Variants in CCDC34 observed in about 807,000 individuals in gnomAD.
CCDC34 encodes coiled-coil domain-containing protein 34.
In CCDC34, 40 loss-of-function variants were observed where a neutral mutation model predicts 44.1. The observed-to-expected ratio is 0.91, with a 90% CI of 0.70 to 1.18. The LOEUF (loss-of-function observed/expected upper bound fraction) is 1.18. Among genes scored for constraint, CCDC34 ranks in the 50% most tolerant of loss-of-function variants. The pLI, the probability that CCDC34 is intolerant of heterozygous loss-of-function variation, is 0.00. For missense variants in CCDC34, 466 were observed against 452.3 expected, an observed-to-expected ratio of 1.03 and a Z score of -0.28; for synonymous variants, 159 against 158.2, an observed-to-expected ratio of 1.01 and a Z score of -0.04.
At chr11:27,339,322 A>T (rs767819906) in intron 5 of CCDC34, among the ~76,000 whole-genome samples, 38 of 152,250 alleles carry the variant, frequency 2.5e-4, no homozygotes, top group Non-Finnish European at 3.8e-4. Context: ...ATTTTTACTA[A>T]GAAATTAATT....
intron 1 of CCDC34, among the ~76,000 whole-genome samples, chr11:27,360,286 G>T (rs779864755): frequency 9.9e-5 from 15 of 152,128 alleles, no homozygotes; most frequent in Non-Finnish European, 2.1e-4. Context: ...CCAGGAAAAC[G>T]CTTCTCATTA....
At chr11:27,362,165 G>A (rs750990731) in intron 1 of CCDC34, among the ~76,000 whole-genome samples, 1 of 152,148 alleles carries the variant, frequency 6.6e-6, no homozygotes, top group Non-Finnish European at 1.5e-5. Context: ...TCTTGTTTAC[G>A]GTCCCCAGTA....
Position 27,346,474 on chromosome 11 carries a change from A to AGAAGGAAGGAAGGAAGGAAG in CCDC34, c.606+3838_606+3857dup, listed in dbSNP as rs35249457. On this transcript the variant is annotated intron_variant, in intron 3 of 5. Transcript: ENST00000328697. ...AAGGAAGGGAGGGAAGACAGAGGAA[A>AGAAGGAAGGAAGGAAGGAAG]GAAGGAAGGAAGGAAGGAAGGAAGG... Among the ~76,000 whole-genome samples the AGAAGGAAGGAAGGAAGGAAG allele has an allele frequency of 4.3e-4, 55 of 128,118 alleles. 3 individuals are homozygous for AGAAGGAAGGAAGGAAGGAAG. The highest frequency in any genetic ancestry group is 4.9e-4 in the Non-Finnish European group (31 of 62,674). The allele number at this position is 128,118 out of a possible 152,430, so 84.1% of individuals were successfully genotyped here.
At chr11:27,345,102 T>C (rs2133340757) in intron 3 of CCDC34, among the ~76,000 whole-genome samples, 1 of 152,278 alleles carries the variant, frequency 6.6e-6, no homozygotes, top group East Asian at 1.9e-4. Flanking sequence ...AAAGATTATC[T>C]TGTCAATATT....
At position 27,340,843 on chromosome 11, in the gene CCDC34, A is replaced by C; in HGVS notation, c.766-6T>G. 6.2e-7 allele frequency: 1 copy of C among 1,610,688 alleles called. No individual in the cohort carries two copies. Among genetic ancestry groups the C allele is most frequent in the Non-Finnish European group, 8.5e-7 (1 of 1,178,666 alleles). On this transcript the variant is annotated splice_polypyrimidine_tract_variant and splice_region_variant and intron_variant, in intron 4 of 5. Transcript: ENST00000328697. ...TGCTGTTGTTTTTCTTTTTCCTTAA[A>C]ATGACAAGACCAAAATATTTCCAGG... is the stretch of plus-strand genomic sequence containing the variant.
chr11:27,340,489 C>G (rs1042370469), intron 5 of CCDC34, among the ~76,000 whole-genome samples: 2 of 152,170 alleles, frequency 1.3e-5, no homozygotes, highest in African/African-American at 4.8e-5. Flanking sequence ...AGTTTTGTAA[C>G]TACTGCTTTT....
chr11:27,347,297 T>C (rs1001632398), intron 3 of CCDC34, among the ~76,000 whole-genome samples: 10 of 152,306 alleles, frequency 6.6e-5, no homozygotes, highest in South Asian at 2.1e-4. Context: ...TTTAGACAAA[T>C]GTTTGGCAAT....
chr11:27,350,190 C>T (rs767991626), intron 3 of CCDC34, 142 bp downstream of exon 3: 11 of 1,557,936 alleles, frequency 7.1e-6, no homozygotes, highest in Non-Finnish European at 7.8e-6. Context: ...TGATAAATGT[C>T]CACCAGGATA....
chr11:27,345,618 T>C (rs1862421706), intron 3 of CCDC34, among the ~76,000 whole-genome samples: 1 of 152,092 alleles, frequency 6.6e-6, no homozygotes, highest in Non-Finnish European at 1.5e-5. Context: ...CATGAACTCA[T>C]CATTTTTTAT....
chr11:27,354,391 TATA>T (rs1300432581), intron 2 of CCDC34, among the ~76,000 whole-genome samples: 3 of 152,218 alleles, frequency 2.0e-5, no homozygotes, highest in Admixed American at 6.5e-5. Context: ...TCCTTTCACA[TATA>T]ATAACTTTGA....
chr11:27,343,359 G>A (rs1263317489), intron 3 of CCDC34, among the ~76,000 whole-genome samples: 2 of 149,154 alleles, frequency 1.3e-5, no homozygotes, highest in South Asian at 2.1e-4. Flanking sequence ...CCGAGATCGT[G>A]CCATTGAACT....
chr11:27,351,446 C>A (rs1040116129), intron 2 of CCDC34, among the ~76,000 whole-genome samples: 4 of 152,172 alleles, frequency 2.6e-5, no homozygotes, highest in Non-Finnish European at 5.9e-5. Context: ...AATCACTCAT[C>A]CTAAAATTCT....
intron 4 of CCDC34, among the ~76,000 whole-genome samples, chr11:27,341,113 CTT>C (rs1862351855): frequency 6.6e-6 from 1 of 152,272 alleles, no homozygotes; most frequent in East Asian, 1.9e-4. Context: ...GGCAGTAAGA[CTT>C]CCCATAAAAT....
chr11:27,352,589 A>C (rs905039544), intron 2 of CCDC34, among the ~76,000 whole-genome samples: 2 of 152,158 alleles, frequency 1.3e-5, no homozygotes, highest in Admixed American at 6.5e-5. Flanking sequence ...TACATATCAA[A>C]AATTTTCCAA....
rs1294604427 is a variant in CCDC34 at position 27,363,006 on chromosome 11, G to A, written c.189C>T (p.Thr63=). The change falls in exon 1 of 6, where the codon ACC becomes ACT. Residue 63 remains threonine, a synonymous_variant. Coordinates refer to ENST00000328697, the MANE Select transcript of CCDC34 (RefSeq NM_030771.2). ...GGCCAAGGGGAGACAACAGCGACCT[G>A]GTGGAATTGCTGCAGCTCAGCGGCA... ...PPLPLSCSNS[T]RSLLSPLGHQ... is the part of the protein sequence containing the mutation. The A allele has an allele frequency of 1.2e-6, 2 of 1,614,188 alleles. No individual in the cohort carries two copies. The highest frequency in any genetic ancestry group is 8.5e-7 in the Non-Finnish European group (1 of 1,180,030).
chr11:27,354,685 C>A (rs1196005088), intron 2 of CCDC34, among the ~76,000 whole-genome samples: 1 of 147,634 alleles, frequency 6.8e-6, no homozygotes, highest in African/African-American at 2.5e-5. Flanking sequence ...AACCCCCCCA[C>A]CCCCACCCCA....
chr11:27,357,482 C>G lies in CCDC34; in HGVS notation c.419G>C (p.Ser140Thr). The G allele has an allele frequency of 6.2e-7, 1 of 1,614,056 alleles. No homozygotes were observed. Among genetic ancestry groups the G allele is most frequent in the Non-Finnish European group, 8.5e-7 (1 of 1,179,966 alleles). The change falls in exon 2 of 6, where the codon AGC becomes ACC. Residue 140 changes from serine (S) to threonine (T), a missense_variant. Coordinates refer to ENST00000328697, the MANE Select transcript of CCDC34 (RefSeq NM_030771.2). Reference protein sequence around the residue: ...EEQKQVRLPESRLTPWEVWFI... With the variant: ...EEQKQVRLPETRLTPWEVWFI... ...CCACACCTCCCATGGTGTCAGGCGG[C>G]TTTCTGGTAAGCGCACCTGTTTCTG...
intron 3 of CCDC34, among the ~76,000 whole-genome samples, chr11:27,341,804 A>T (rs1462903036): frequency 6.6e-6 from 1 of 152,184 alleles, no homozygotes; most frequent in East Asian, 1.9e-4. Context: ...GTCCACTCAG[A>T]GCCTGGGGCA....
chr11:27,341,407 C>T lies in CCDC34; in HGVS notation c.750G>A (p.Arg250=), dbSNP rs778642826. The T allele has an allele frequency of 4.4e-5, 65 of 1,460,968 alleles. No homozygotes were observed. Among genetic ancestry groups the T allele is most frequent in the Non-Finnish European group, 6.0e-5 (65 of 1,084,894 alleles). The allele number at this position is 1,460,968 out of a possible 1,614,324, so 90.5% of individuals were successfully genotyped here. The change falls in exon 4 of 6, where the codon AGG becomes AGA. Residue 250 remains arginine, a synonymous_variant. Transcript: ENST00000328697. ...ATAAAAATACCTTTTCTTTCTTCTT[C>T]CTCTCACATTCTTCAGCATTTTTTT... ...LKKKNAEECE[R]KKKEKEKEKQ...
Sources: gnomAD v4.1 joint callset for allele counts (sites outside exome capture counted in the v4.1 genomes callset) on GRCh38, gnomAD v4.1.1 for gene constraint, MANE v1.5 for transcripts, NCBI Gene and HGNC (gene_info 2026-07-23, HGNC 2026-07-21) for gene names.